FAM120A: variants seen among roughly 807,000 people sequenced by gnomAD.
The protein encoded by FAM120A is constitutive coactivator of PPAR-gamma-like protein 1.
A neutral mutation model predicts 109.7 loss-of-function variants in FAM120A; 15 were observed. The ratio of observed to expected loss-of-function variants is 0.14; its 90% CI spans 0.09 to 0.21. The LOEUF (loss-of-function observed/expected upper bound fraction) is 0.21. Ranked by LOEUF, FAM120A falls within the 10% of genes least tolerant of loss-of-function variation. The pLI is 1.00. For missense variants in FAM120A, 899 were observed against 1,439.3 expected, an observed-to-expected ratio of 0.62 and a Z score of 6.07; for synonymous variants, 493 against 572.8, an observed-to-expected ratio of 0.86 and a Z score of 1.99.
At chr9:93,454,843 A>G (rs891360305) in intron 1 of FAM120A, among the ~76,000 whole-genome samples, 1 of 152,258 alleles carries the variant, frequency 6.6e-6, no homozygotes, top group Admixed American at 6.5e-5. Flanking sequence ...AAACCATGAT[A>G]TCACTACATG....
intron 10 of FAM120A, among the ~76,000 whole-genome samples, chr9:93,538,529 A>G (rs983016531): frequency 2.0e-5 from 3 of 152,198 alleles, no homozygotes; most frequent in Admixed American, 2.0e-4. Flanking sequence ...ACACACAACC[A>G]GAAGTCTAGT....
At position 93,559,493 on chromosome 9, in the gene FAM120A, A is replaced by C. The variant is rs527938327; in HGVS notation, c.2806+775A>C. Among the ~76,000 whole-genome samples, 5 of 152,382 alleles carry C rather than the reference A, an allele frequency of 3.3e-5. No homozygotes were observed. The East Asian group carries it at 9.6e-4, about 29-fold the overall frequency. On this transcript the variant is annotated intron_variant, in intron 15 of 17. Transcript: ENST00000277165. Reference sequence around the variant, plus strand: ...GTTACATGGGATAGTTAGGGAGGCCAGCAAGGGAACTGTGCGGAAAGGTGA... The same window carrying C: ...GTTACATGGGATAGTTAGGGAGGCCCGCAAGGGAACTGTGCGGAAAGGTGA...
intron 5 of FAM120A, among the ~76,000 whole-genome samples, chr9:93,499,468 A>G (rs1859709349): frequency 6.6e-6 from 1 of 151,722 alleles, no homozygotes; most frequent in Admixed American, 6.6e-5. Flanking sequence ...TTGTATTTTT[A>G]GTAGAGATGG....
intron 5 of FAM120A, among the ~76,000 whole-genome samples, chr9:93,507,163 A>G (rs1322171310): frequency 6.6e-6 from 1 of 152,158 alleles, no homozygotes; most frequent in African/African-American, 2.4e-5. Flanking sequence ...AAACTCTTTC[A>G]GTATTGAGGC....
At position 93,498,933 on chromosome 9, in the gene FAM120A, A is replaced by G; in HGVS notation, c.1030+47A>G. 1 of 1,105,672 alleles carries G rather than the reference A, an allele frequency of 9.0e-7. No individual in the cohort carries two copies. The highest frequency in any genetic ancestry group is 1.4e-6 in the Non-Finnish European group (1 of 721,798). The allele number at this position is 1,105,672 out of a possible 1,614,324, so 68.5% of individuals were successfully genotyped here. On this transcript the variant is annotated intron_variant, in intron 5 of 17. Transcript: ENST00000277165. The surrounding 1 kb of genome is among the most constrained non-coding windows in gnomAD (Gnocchi z 4.4). ...ATCAATATTGACCATATGATAATCC[A>G]AGTAGGTTTAAATATTCACCATATA...
rs1347326300 is a variant in FAM120A at position 93,532,609 on chromosome 9, T to G, written c.1909+280T>G. The stretch of plus-strand genomic sequence containing the variant: ...AGTGAATGTTGATCTGAAAGCAGAC[T>G]TGAATTGCCGCCACTCTCTGTAATT... On this transcript the variant is annotated intron_variant, in intron 10 of 17. Transcript: ENST00000277165. This position sits in a 1 kb window ranked among gnomAD's most constrained non-coding sequence, Gnocchi z 4.3. 2 of 393,592 alleles carry G rather than the reference T, an allele frequency of 5.1e-6. No homozygotes were observed. Among genetic ancestry groups the G allele is most frequent in the Non-Finnish European group, 9.5e-6 (2 of 211,370 alleles). The allele number at this position is 393,592 out of a possible 1,614,324, so 24.4% of individuals were successfully genotyped here.
chr9:93,527,773 C>T (rs768544492), intron 8 of FAM120A, among the ~76,000 whole-genome samples: 21 of 151,726 alleles, frequency 1.4e-4, no homozygotes, highest in Admixed American at 2.6e-4. Flanking sequence ...TAGGCGTGCA[C>T]TACCATGCCT....
intron 17 of FAM120A, among the ~76,000 whole-genome samples, chr9:93,563,176 T>G (rs994099170): frequency 1.3e-5 from 2 of 152,166 alleles, no homozygotes; most frequent in Non-Finnish European, 2.9e-5. Context: ...GTTGATGATT[T>G]TGTCATCAAC....
At chr9:93,508,815 G>T (rs1860181063) in intron 5 of FAM120A, among the ~76,000 whole-genome samples, 1 of 152,192 alleles carries the variant, frequency 6.6e-6, no homozygotes, top group Non-Finnish European at 1.5e-5. Context: ...TGATCCCAGT[G>T]TCGCATTGCT....
At chr9:93,467,543 C>A (rs1858103977) in intron 1 of FAM120A, among the ~76,000 whole-genome samples, 1 of 152,060 alleles carries the variant, frequency 6.6e-6, no homozygotes, top group African/African-American at 2.4e-5. Context: ...CCTCTTTACT[C>A]AGGAGACTTG....
At chr9:93,456,840 G>A (rs1857568541) in intron 1 of FAM120A, among the ~76,000 whole-genome samples, 1 of 152,178 alleles carries the variant, frequency 6.6e-6, no homozygotes, top group South Asian at 2.1e-4. Context: ...CAGTCATGTT[G>A]CTATTCAGAA....
Position 93,532,829 on chromosome 9 carries a change from G to T in FAM120A, c.1909+500G>T, listed in dbSNP as rs747248480. ...AAGGTCGTGGGACTCACGGATCGTC[G>T]CAGGATTGTGATGATTTGTCTCGGA... is the stretch of plus-strand genomic sequence containing the variant. On this transcript the variant is annotated intron_variant, in intron 10 of 17. Transcript: ENST00000277165. The surrounding 1 kb of genome is among the most constrained non-coding windows in gnomAD (Gnocchi z 4.3). Among the ~76,000 whole-genome samples the T allele has an allele frequency of 2.0e-5, 3 of 152,172 alleles. No homozygotes were observed. The highest frequency in any genetic ancestry group is 4.4e-5 in the Non-Finnish European group (3 of 68,032).
At chr9:93,538,809 G>C (rs1861605149) in intron 10 of FAM120A, among the ~76,000 whole-genome samples, 1 of 152,184 alleles carries the variant, frequency 6.6e-6, no homozygotes, top group South Asian at 2.1e-4. Flanking sequence ...AGATTTCCAA[G>C]GTGGCTTAGT....
At chr9:93,561,005 T>G in intron 15 of FAM120A, 104 bp from the exon 16 acceptor site, 1 of 1,298,636 alleles carries the variant, frequency 7.7e-7, no homozygotes, top group Non-Finnish European at 1.1e-6. Context: ...AGCTTCATAG[T>G]AAATATAAAC....
intron 7 of FAM120A, among the ~76,000 whole-genome samples, chr9:93,520,324 A>G (rs1235628498): frequency 6.6e-6 from 1 of 152,150 alleles, no homozygotes; most frequent in Non-Finnish European, 1.5e-5. Context: ...TGAATGGCCA[A>G]TGCGCTCTCT....
intron 17 of FAM120A, among the ~76,000 whole-genome samples, chr9:93,562,665 C>CTTTTTTTTTTTTTTT (rs535421624): frequency 7.4e-6 from 1 of 134,988 alleles, no homozygotes. Flanking sequence ...CTTTCTTTTT[C>CTTTTTTTTTTTTTTT]TTTTTTTTTT....
intron 3 of FAM120A, among the ~76,000 whole-genome samples, chr9:93,487,104 A>T (rs750363906): frequency 3.9e-5 from 6 of 152,094 alleles, no homozygotes; most frequent in African/African-American, 1.4e-4. Flanking sequence ...TGTCTCTTCA[A>T]ATCCTTTGCT....
At chr9:93,538,947 T>C (rs758834805) in intron 10 of FAM120A, among the ~76,000 whole-genome samples, 7 of 152,170 alleles carry the variant, frequency 4.6e-5, no homozygotes, top group Non-Finnish European at 8.8e-5. Context: ...GGGTGCTTTC[T>C]GTAAGGAAAA....
At chr9:93,550,522 A>G (rs1422720609) in intron 11 of FAM120A, 55 bp from the exon 12 acceptor site, 17 of 1,354,466 alleles carry the variant, frequency 1.3e-5, no homozygotes, top group South Asian at 9.3e-5. Context: ...GGACTTGTCT[A>G]TATGACGGGC....
Sources: gnomAD v4.1 joint callset for allele counts (sites outside exome capture counted in the v4.1 genomes callset) on GRCh38, gnomAD v4.1.1 for gene constraint, Gnocchi (gnomAD v3.1) non-coding constraint, MANE v1.5 for transcripts, NCBI Gene and HGNC (gene_info 2026-07-23, HGNC 2026-07-21) for gene names.